MCCC2: variants seen among roughly 807,000 people sequenced by gnomAD.
The protein encoded by MCCC2 is methylcrotonyl-CoA carboxylase subunit 2.
MCCC2 carries 52 observed loss-of-function variants against 77.2 expected under a neutral mutation model. That is an observed-to-expected ratio of 0.67 (90% confidence interval 0.54 to 0.85). The LOEUF (loss-of-function observed/expected upper bound fraction) is 0.85, where lower values mean the gene tolerates loss of function less well. Among genes scored for constraint, MCCC2 ranks in the 40% least tolerant of loss-of-function variants. The probability of loss-of-function intolerance (pLI) is 0.00; values close to 1 mark genes in which losing one functional copy is unlikely to be tolerated. For synonymous variants in MCCC2, 253 were observed against 248.4 expected (o/e 1.02, Z -0.18); for missense variants, 682 against 703.2 (o/e 0.97, Z 0.34).
At chr5:71,622,966 G>A (rs752375879) in intron 6 of MCCC2, among the ~76,000 whole-genome samples, 35 of 152,074 alleles carry the variant, frequency 2.3e-4, no homozygotes, top group Non-Finnish European at 2.5e-4. Context: ...TCTCTGGGAT[G>A]GCACAGAAAG....
intron 16 of MCCC2, among the ~76,000 whole-genome samples, chr5:71,653,371 C>T (rs1333117734): frequency 1.3e-5 from 2 of 149,650 alleles, no homozygotes; most frequent in Non-Finnish European, 3.0e-5. Flanking sequence ...CCTGCTGGTG[C>T]CTGCTTTCAC....
intron 4 of MCCC2, among the ~76,000 whole-genome samples, chr5:71,600,984 G>C (rs557158551): frequency 5.9e-4 from 90 of 152,286 alleles, no homozygotes; most frequent in African/African-American, 2.1e-3. Context: ...GGGAACTCTG[G>C]GTAGAAAGAC....
chr5:71,636,886 G>GGT (rs1746951083), intron 10 of MCCC2, among the ~76,000 whole-genome samples: 3 of 151,614 alleles, frequency 2.0e-5, no homozygotes, highest in African/African-American at 7.3e-5. Flanking sequence ...TGGGATTACA[G>GGT]GCACCCGCCA....
At chr5:71,618,359 T>A (rs184485548) in intron 6 of MCCC2, among the ~76,000 whole-genome samples, 8 of 152,288 alleles carry the variant, frequency 5.3e-5, no homozygotes, top group Admixed American at 2.0e-4. Flanking sequence ...TCTCTTGCCC[T>A]CCCACCTTCT....
At chr5:71,605,643 A>G (rs932493157) in intron 6 of MCCC2, among the ~76,000 whole-genome samples, 27 of 151,088 alleles carry the variant, frequency 1.8e-4, no homozygotes, top group African/African-American at 6.6e-4. Flanking sequence ...TCGGACATGA[A>G]GTCCTTGCCC....
At chr5:71,620,083 A>C (rs1270079367) in intron 6 of MCCC2, among the ~76,000 whole-genome samples, 1 of 152,194 alleles carries the variant, frequency 6.6e-6, no homozygotes, top group Non-Finnish European at 1.5e-5. Flanking sequence ...GCTCTCTGAC[A>C]AAAAGATTGA....
chr5:71,604,378 A>G lies in MCCC2; in HGVS notation c.534A>G (p.Leu178=). Residue 178 remains leucine, a synonymous_variant, in exon 6 of 17, where the codon TTA becomes TTG. Coordinates refer to ENST00000340941, the MANE Select transcript of MCCC2 (RefSeq NM_022132.5). ...CAGTTGATTCGGGAGGAGCATACTTACCTCGACAAGCAGATGTGTTTCCAG... is the reference window on the plus strand; with the variant it reads ...CAGTTGATTCGGGAGGAGCATACTTGCCTCGACAAGCAGATGTGTTTCCAG... ...IYLVDSGGAY[L]PRQADVFPDR... 6.2e-7 allele frequency: 1 copy of G among 1,614,100 alleles called. No individual in the cohort carries two copies. The highest frequency in any genetic ancestry group is 8.5e-7 in the Non-Finnish European group (1 of 1,180,014).
chr5:71,604,850 C>T (rs1236059232), intron 6 of MCCC2, among the ~76,000 whole-genome samples: 37 of 141,452 alleles, frequency 2.6e-4, no homozygotes, highest in African/African-American at 5.5e-4. Context: ...TTTGTTCTTG[C>T]GATAGTTTAC....
chr5:71,604,479 AT>A lies in MCCC2; in HGVS notation c.624+12del. 6.3e-7 allele frequency: 1 copy of A among 1,594,232 alleles called. No individual in the cohort carries two copies. The highest frequency in any genetic ancestry group is 8.6e-7 in the Non-Finnish European group (1 of 1,161,878). On this transcript the variant is annotated intron_variant, in intron 6 of 16. Transcript: ENST00000340941. ...AAAAATATTGCACAGGTAATTTTTC[AT>A]GAATAAAGTGTACAGTGGTGCTTTT...
At chr5:71,639,520 A>G (rs1747047427) in intron 10 of MCCC2, among the ~76,000 whole-genome samples, 1 of 152,134 alleles carries the variant, frequency 6.6e-6, no homozygotes. Context: ...GATTAAAGGG[A>G]ATGTTGTGCC....
chr5:71,620,020 A>G (rs978272807), intron 6 of MCCC2, among the ~76,000 whole-genome samples: 1 of 151,930 alleles, frequency 6.6e-6, no homozygotes, highest in Non-Finnish European at 1.5e-5. Flanking sequence ...TCAACCTGTG[A>G]TGGAGATGGA....
At chr5:71,639,627 G>A (rs1432872883) in intron 10 of MCCC2, among the ~76,000 whole-genome samples, 3 of 152,188 alleles carry the variant, frequency 2.0e-5, no homozygotes, top group African/African-American at 7.2e-5. Flanking sequence ...GTGAAGATAA[G>A]TGAATGTATT....
intron 3 of MCCC2, among the ~76,000 whole-genome samples, chr5:71,597,824 G>T (rs1745248299): frequency 6.6e-6 from 1 of 152,124 alleles, no homozygotes. Context: ...CTGTTTTGTA[G>T]CCAGCTCTCT....
chr5:71,637,797 C>T (rs1343548263), intron 10 of MCCC2, among the ~76,000 whole-genome samples: 2 of 152,186 alleles, frequency 1.3e-5, no homozygotes, highest in Non-Finnish European at 2.9e-5. Flanking sequence ...CAGCTCACTG[C>T]AAGCTCAGCC....
At chr5:71,650,812 C>A (rs1293845584) in intron 15 of MCCC2, among the ~76,000 whole-genome samples, 1 of 152,134 alleles carries the variant, frequency 6.6e-6, no homozygotes, top group Non-Finnish European at 1.5e-5. Flanking sequence ...CCATGCCTGG[C>A]TAATTTTTTT....
chr5:71,657,416 T>G lies in MCCC2; in HGVS notation c.*556T>G, dbSNP rs976574532. On this transcript the variant is annotated 3_prime_UTR_variant, in exon 17 of 17. Transcript: ENST00000340941. ...CCCATTTCCCCCTCCCCCGAGCCCA[T>G]GACATCTCCTTATTATTATTTTTTT... 2.0e-5 allele frequency: 3 copies of G among 153,504 alleles called. No homozygotes were observed. The highest frequency in any genetic ancestry group is 4.3e-5 in the Non-Finnish European group (3 of 69,204). 9.5% of individuals were successfully genotyped at this position (153,504 alleles called of 1,614,324 possible).
At chr5:71,651,684 C>G (rs954843338) in intron 15 of MCCC2, among the ~76,000 whole-genome samples, 1 of 152,158 alleles carries the variant, frequency 6.6e-6, no homozygotes, top group Non-Finnish European at 1.5e-5. Flanking sequence ...ACTCTGGAGA[C>G]TTACATTGAG....
intron 8 of MCCC2, among the ~76,000 whole-genome samples, chr5:71,633,114 TATATA>T (rs1746786440): frequency 3.0e-5 from 3 of 99,388 alleles, no homozygotes; most frequent in Non-Finnish European, 6.0e-5. Context: ...TATATATATA[TATATA>T]TATATATATA....
chr5:71,643,866 G>A lies in MCCC2; in HGVS notation c.1120G>A (p.Gly374Arg), dbSNP rs753784414. ...GYPVGIVGNNGVLFSESAKKG... is the reference protein window; with the variant it reads ...GYPVGIVGNNRVLFSESAKKG... ...CCCAGTAGGTATCGTTGGAAACAAC[G>A]GAGTTCTCTTTTCTGAATCTGCAAA... Residue 374 changes from glycine (G) to arginine (R), a missense_variant, in exon 12 of 17, where the codon GGA becomes AGA. Coordinates refer to ENST00000340941, the MANE Select transcript of MCCC2 (RefSeq NM_022132.5). The A allele has an allele frequency of 6.6e-5, 106 of 1,613,940 alleles. No homozygotes were observed. Among genetic ancestry groups the A allele is most frequent in the Non-Finnish European group, 8.7e-5 (103 of 1,180,004 alleles).
Sources: allele counts gnomAD v4.1 joint callset (sites outside exome capture counted in the v4.1 genomes callset), GRCh38; gene constraint gnomAD v4.1.1; transcripts MANE v1.5; gene names NCBI Gene and HGNC (gene_info 2026-07-23, HGNC 2026-07-21).